The following MBNL3 variants were observed in gnomAD, a reference collection of about 807,000 sequenced individuals.
The protein encoded by MBNL3 is muscleblind like splicing regulator 3, also known as muscleblind-like protein 3.
In MBNL3, 6 loss-of-function variants were observed where a neutral mutation model predicts 24.5. That is an observed-to-expected ratio of 0.25 (90% CI 0.13 to 0.48). MBNL3 has a LOEUF of 0.48. Among genes scored for constraint, MBNL3 ranks in the 20% least tolerant of loss-of-function variants. The probability of loss-of-function intolerance (pLI) is 0.99; values close to 1 mark genes in which losing one functional copy is unlikely to be tolerated. For synonymous variants in MBNL3, 100 were observed against 101.7 expected (o/e 0.98, Z 0.10); for missense variants, 230 against 293.5 (o/e 0.78, Z 1.58).
chrX:132,428,233 A>G (rs1944460557), intron 2 of MBNL3, among the ~76,000 whole-genome samples: 1 of 111,591 alleles, frequency 9.0e-6, no homozygotes, highest in South Asian at 3.7e-4. Flanking sequence ...ACATAATCTC[A>G]TCATAAACAA....
At chrX:132,471,392 T>C (rs1275063958) in intron 1 of MBNL3, among the ~76,000 whole-genome samples, 1 of 112,931 alleles carries the variant, frequency 8.9e-6, no homozygotes, top group Non-Finnish European at 1.9e-5. Flanking sequence ...TACACATCTA[T>C]AATATAACTG....
chrX:132,396,906 A>ATT (rs1491575601), intron 3 of MBNL3, among the ~76,000 whole-genome samples: 60 of 69,140 alleles, frequency 8.7e-4, no homozygotes, highest in African/African-American at 3.4e-3. Flanking sequence ...ATTCATATAT[A>ATT]CATATATACA....
At chrX:132,445,519 C>G (rs1945659813) in intron 1 of MBNL3, among the ~76,000 whole-genome samples, 1 of 110,978 alleles carries the variant, frequency 9.0e-6, no homozygotes, top group Non-Finnish European at 1.9e-5. Context: ...AGCTTTGCTG[C>G]ATTTTTTCAT....
intron 2 of MBNL3, among the ~76,000 whole-genome samples, chrX:132,434,470 T>C (rs1304834640): frequency 8.9e-6 from 1 of 112,329 alleles, no homozygotes; most frequent in African/African-American, 3.2e-5. Flanking sequence ...TTATCAGTTT[T>C]TACAAAAGAA....
At chrX:132,390,149 C>T (rs191855690) in intron 5 of MBNL3, among the ~76,000 whole-genome samples, 2 of 106,950 alleles carry the variant, frequency 1.9e-5, no homozygotes, top group African/African-American at 3.4e-5. Context: ...GCTGAGATCA[C>T]GCCACTGCAC....
intron 1 of MBNL3, among the ~76,000 whole-genome samples, chrX:132,487,152 CT>C (rs1379793313): frequency 4.5e-5 from 5 of 110,585 alleles, no homozygotes; most frequent in Non-Finnish European, 7.6e-5. Context: ...TTCTTTCTTT[CT>C]TTTTTTCTTT....
At chrX:132,392,649 C>T (rs1382973283) in intron 3 of MBNL3, among the ~76,000 whole-genome samples, 1 of 112,273 alleles carries the variant, frequency 8.9e-6, no homozygotes, top group Non-Finnish European at 1.9e-5. Context: ...TTTCTTTATT[C>T]CCTAAAAACC....
At chrX:132,438,132 T>C (rs1945214418) in intron 2 of MBNL3, among the ~76,000 whole-genome samples, 1 of 112,065 alleles carries the variant, frequency 8.9e-6, no homozygotes, top group Non-Finnish European at 1.9e-5. Flanking sequence ...TGTTTTCTGA[T>C]AGCTGAATGT....
At chrX:132,445,404 CAT>C (rs1195903018) in intron 1 of MBNL3, among the ~76,000 whole-genome samples, 1 of 110,751 alleles carries the variant, frequency 9.0e-6, no homozygotes, top group Non-Finnish European at 1.9e-5. Context: ...ACCATGATTT[CAT>C]AGGCATCCTA....
At chrX:132,458,779 G>A (rs1569457393) in intron 1 of MBNL3, among the ~76,000 whole-genome samples, 1 of 109,633 alleles carries the variant, frequency 9.1e-6, no homozygotes, top group Non-Finnish European at 1.9e-5. Flanking sequence ...AACCACAGCA[G>A]AACCCATCTA....
chrX:132,407,089 G>A (rs1941949188), intron 2 of MBNL3, among the ~76,000 whole-genome samples: 2 of 112,024 alleles, frequency 1.8e-5, no homozygotes, highest in Admixed American at 1.9e-4. Context: ...AGAAAAATGA[G>A]TTTGTTCACC....
chrX:132,380,191 T>C (rs1934622386), intron 8 of MBNL3, among the ~76,000 whole-genome samples: 1 of 112,050 alleles, frequency 8.9e-6, no homozygotes, highest in Non-Finnish European at 1.9e-5. Flanking sequence ...GTGATTATGT[T>C]CTGCCAAATA....
chrX:132,464,004 G>T (rs1946765526), intron 1 of MBNL3, among the ~76,000 whole-genome samples: 1 of 112,061 alleles, frequency 8.9e-6, no homozygotes, highest in Non-Finnish European at 1.9e-5. Context: ...GGATGTATGA[G>T]AAAAATAGAT....
At chrX:132,405,629 A>G (rs2148273114) in intron 3 of MBNL3, among the ~76,000 whole-genome samples, 2 of 111,365 alleles carry the variant, frequency 1.8e-5, no homozygotes, top group East Asian at 5.6e-4. Context: ...TAATTCCAGC[A>G]CTTTGGGAGG....
At chrX:132,462,506 T>C (rs1765093892) in intron 1 of MBNL3, among the ~76,000 whole-genome samples, 1 of 112,301 alleles carries the variant, frequency 8.9e-6, no homozygotes, top group Middle Eastern at 4.6e-3. Flanking sequence ...AGCATCAAAG[T>C]CCACAAGAAA....
At chrX:132,463,809 T>G (rs763866652) in intron 1 of MBNL3, among the ~76,000 whole-genome samples, 108 of 112,510 alleles carry the variant, frequency 9.6e-4, no homozygotes, top group Admixed American at 3.8e-3. Context: ...TGCATAGCAA[T>G]TCCTATCACT....
chrX:132,380,995 C>A (rs1934822897), intron 8 of MBNL3, among the ~76,000 whole-genome samples: 1 of 110,697 alleles, frequency 9.0e-6, no homozygotes, highest in African/African-American at 3.3e-5. Context: ...TCAGTCAAAT[C>A]CTGAAAATTC....
At chrX:132,485,068 A>T (rs1947931974) in intron 1 of MBNL3, among the ~76,000 whole-genome samples, 2 of 111,310 alleles carry the variant, frequency 1.8e-5, no homozygotes, top group Non-Finnish European at 3.8e-5. Flanking sequence ...GAACATTCAA[A>T]GCCCTGGTTC....
chrX:132,379,995 GT>G (rs1292095305), intron 8 of MBNL3, among the ~76,000 whole-genome samples: 18 of 112,523 alleles, frequency 1.6e-4, no homozygotes, highest in Non-Finnish European at 7.5e-5. Flanking sequence ...CAACAGGCAT[GT>G]ACTGAGAAAA....
Sources: allele counts gnomAD v4.1 joint callset (sites outside exome capture counted in the v4.1 genomes callset), GRCh38; gene constraint gnomAD v4.1.1; transcripts MANE v1.5; gene names NCBI Gene and HGNC (gene_info 2026-07-23, HGNC 2026-07-21).